Variants in CA10 observed in about 807,000 individuals in gnomAD.
CA10 encodes the protein carbonic anhydrase 10 (inactive).
Under a neutral mutation model 44.2 loss-of-function variants are expected in CA10, and 14 were observed. That is an observed-to-expected ratio of 0.32 (90% confidence interval 0.21 to 0.50). The LOEUF is 0.50. Among genes scored for constraint, CA10 ranks in the 20% least tolerant of loss-of-function variants. CA10 has a pLI of 0.99. For missense variants in CA10, 350 were observed against 409.7 expected, an observed-to-expected ratio of 0.85 and a Z score of 1.26; for synonymous variants, 159 against 141.6, an observed-to-expected ratio of 1.12 and a Z score of -0.87.
chr17:51,957,502 G>T (rs1785457688), intron 2 of CA10, among the ~76,000 whole-genome samples: 1 of 151,696 alleles, frequency 6.6e-6, no homozygotes, highest in African/African-American at 2.4e-5. Context: ...GAGTAGTTCT[G>T]GAGAGTCACA....
chr17:51,736,816 C>G (rs777266389), intron 4 of CA10, among the ~76,000 whole-genome samples: 5 of 152,136 alleles, frequency 3.3e-5, no homozygotes, highest in Non-Finnish European at 5.9e-5. Flanking sequence ...CATCTGGGAA[C>G]TGTAACTTCC....
chr17:51,818,903 G>A (rs1235839088), intron 3 of CA10, among the ~76,000 whole-genome samples: 2 of 152,130 alleles, frequency 1.3e-5, no homozygotes, highest in Non-Finnish European at 2.9e-5. Context: ...TGAAGTCCCT[G>A]GCATGTAGTA....
chr17:51,667,251 C>A (rs1322749278), intron 4 of CA10, among the ~76,000 whole-genome samples: 1 of 152,168 alleles, frequency 6.6e-6, no homozygotes, highest in East Asian at 1.9e-4. Context: ...ATCTCAGAAT[C>A]CAGCTCTCCC....
At chr17:51,924,773 C>T (rs1334809366) in intron 3 of CA10, among the ~76,000 whole-genome samples, 7 of 152,180 alleles carry the variant, frequency 4.6e-5, no homozygotes, top group Admixed American at 4.6e-4. Context: ...ACTCCCTCTC[C>T]TCACCCCTTC....
intron 3 of CA10, among the ~76,000 whole-genome samples, chr17:51,807,907 G>A (rs185930142): frequency 6.6e-6 from 1 of 152,318 alleles, no homozygotes; most frequent in East Asian, 1.9e-4. Context: ...TCTGTGTCTG[G>A]ATCTGGTGGA....
In CA10 at chr17:52,123,928, A is replaced by G. The variant is rs190627278; in HGVS notation, c.61+33798T>C. Among the ~76,000 whole-genome samples, 25 of 152,332 alleles carry G rather than the reference A, an allele frequency of 1.6e-4. No homozygotes were observed. In the East Asian group the frequency reaches 4.4e-3, roughly 27 times the overall value. ...AGACCCTTGGGACCCTGTTTAAAAA[A>G]AGCATCTTGTCAAGAACAATCATTA... On this transcript the variant is annotated intron_variant, in intron 1 of 8. Transcript: ENST00000451037.
intron 2 of CA10, among the ~76,000 whole-genome samples, chr17:51,974,630 CA>C (rs1256089838): frequency 6.6e-6 from 1 of 151,710 alleles, no homozygotes; most frequent in African/African-American, 2.4e-5. Context: ...AAAAATTTGG[CA>C]AAAATATTAT....
intron 1 of CA10, among the ~76,000 whole-genome samples, chr17:52,089,587 T>C (rs1988206917): frequency 6.6e-6 from 1 of 152,148 alleles, no homozygotes; most frequent in Non-Finnish European, 1.5e-5. Flanking sequence ...AGCTGGTGAC[T>C]ATTTATACTG....
chr17:51,777,462 T>G (rs923476171), intron 3 of CA10, among the ~76,000 whole-genome samples: 1 of 152,340 alleles, frequency 6.6e-6, no homozygotes, highest in East Asian at 1.9e-4. Context: ...ACAAGAGTTC[T>G]GCTGAGCCCA....
At chr17:51,755,710 T>C (rs760331795) in intron 3 of CA10, among the ~76,000 whole-genome samples, 4 of 152,202 alleles carry the variant, frequency 2.6e-5, no homozygotes, top group Non-Finnish European at 5.9e-5. Flanking sequence ...ACCTACTAAT[T>C]GGAGGATTTA....
intron 6 of CA10, among the ~76,000 whole-genome samples, chr17:51,637,118 T>G (rs1912868673): frequency 6.6e-6 from 1 of 152,156 alleles, no homozygotes; most frequent in East Asian, 1.9e-4. Flanking sequence ...TTCTCCCCTC[T>G]TCATGATCCT....
chr17:52,018,226 A>G (rs372231416), intron 2 of CA10, among the ~76,000 whole-genome samples: 2 of 152,128 alleles, frequency 1.3e-5, no homozygotes, highest in Admixed American at 6.5e-5. Context: ...CACACTGCCT[A>G]GTGGAGCTGT....
chr17:52,038,315 C>T (rs1422158650), intron 2 of CA10, among the ~76,000 whole-genome samples: 1 of 152,140 alleles, frequency 6.6e-6, no homozygotes, highest in Non-Finnish European at 1.5e-5. Context: ...ATTTTATCGT[C>T]ACATAAACTT....
chr17:51,709,507 A>G (rs183866281), intron 4 of CA10, among the ~76,000 whole-genome samples: 126 of 152,346 alleles, frequency 8.3e-4, no homozygotes, highest in Non-Finnish European at 9.0e-4. Flanking sequence ...AAGTGCATTC[A>G]TATCACCTGG....
chr17:51,711,151 A>G (rs1915932529), intron 4 of CA10, among the ~76,000 whole-genome samples: 1 of 152,160 alleles, frequency 6.6e-6, no homozygotes, highest in African/African-American at 2.4e-5. Context: ...AACAAGCTCA[A>G]CATCAACCTC....
chr17:51,770,184 A>G (rs1249128318), intron 3 of CA10, among the ~76,000 whole-genome samples: 2 of 150,848 alleles, frequency 1.3e-5, no homozygotes, highest in African/African-American at 4.9e-5. Context: ...ATAAGAATGC[A>G]CAGTAGCTGC....
At chr17:52,119,840 C>G (rs1013750531) in intron 1 of CA10, among the ~76,000 whole-genome samples, 1 of 152,152 alleles carries the variant, frequency 6.6e-6, no homozygotes, top group Non-Finnish European at 1.5e-5. Flanking sequence ...ATTCTAGACT[C>G]ATTAGCTGTT....
At chr17:52,135,080 C>T (rs771263500) in intron 1 of CA10, 10 of 439,054 alleles carry the variant, frequency 2.3e-5, no homozygotes, top group African/African-American at 1.4e-4. Context: ...ATCCTAAGCC[C>T]CCCAACTGAA....
At chr17:51,725,325 T>C (rs940908601) in intron 4 of CA10, among the ~76,000 whole-genome samples, 1 of 152,352 alleles carries the variant, frequency 6.6e-6, no homozygotes, top group Non-Finnish European at 1.5e-5. Flanking sequence ...TTTCTTGGTT[T>C]TCTCATTGCT....
Sources: allele counts gnomAD v4.1 joint callset (sites outside exome capture counted in the v4.1 genomes callset), GRCh38; gene constraint gnomAD v4.1.1; transcripts MANE v1.5; gene names NCBI Gene and HGNC (gene_info 2026-07-23, HGNC 2026-07-21).